The following MAML3 variants were observed in gnomAD, a reference collection of about 807,000 sequenced individuals.
The protein encoded by MAML3 is mastermind like transcriptional coactivator 3, also known as mastermind-like protein 3.
In MAML3, 27 loss-of-function variants were observed where a neutral mutation model predicts 101.9. The observed-to-expected ratio is 0.27, with a 90% confidence interval of 0.20 to 0.37. MAML3 has a LOEUF of 0.37. Among genes scored for constraint, MAML3 ranks in the 10% least tolerant of loss-of-function variants. The probability of loss-of-function intolerance (pLI) is 1.00; values close to 1 mark genes in which losing one functional copy is unlikely to be tolerated. For missense variants in MAML3, 1,316 were observed against 1,444.9 expected (o/e 0.91, Z 1.45); for synonymous variants, 501 against 555.9 (o/e 0.90, Z 1.39).
intron 2 of MAML3, among the ~76,000 whole-genome samples, chr4:139,861,772 C>G (rs950329026): frequency 1.4e-4 from 21 of 152,062 alleles, no homozygotes; most frequent in Non-Finnish European, 2.6e-4. Context: ...GCCTAGTTAC[C>G]TTTTCCAGAA....
intron 1 of MAML3, among the ~76,000 whole-genome samples, chr4:139,944,426 A>T (rs553478459): frequency 2.1e-4 from 32 of 152,052 alleles, no homozygotes; most frequent in African/African-American, 7.5e-4. Flanking sequence ...GAGAATATGC[A>T]GTGTTTGGTT....
intron 2 of MAML3, among the ~76,000 whole-genome samples, chr4:139,831,779 A>C (rs1033237662): frequency 6.6e-6 from 1 of 150,612 alleles, no homozygotes; most frequent in Non-Finnish European, 1.5e-5. Flanking sequence ...TATTCCAGGG[A>C]GTTGATCCCT....
chr4:140,093,166 GAGTTGAAATAT>G (rs1350472554), intron 1 of MAML3, among the ~76,000 whole-genome samples: 4 of 152,184 alleles, frequency 2.6e-5, no homozygotes, highest in Admixed American at 6.5e-5. Context: ...AGGCGGTCCT[GAGTTGAAATAT>G]CTAAAAATTA....
At chr4:140,000,877 A>T (rs1441476627) in intron 1 of MAML3, among the ~76,000 whole-genome samples, 1 of 152,104 alleles carries the variant, frequency 6.6e-6, no homozygotes, top group African/African-American at 2.4e-5. Flanking sequence ...AAAATAGAAA[A>T]TTAGCCAGGC....
chr4:139,989,799 T>A lies in MAML3; in HGVS notation c.469-98832A>T, dbSNP rs536011333. ...TAATTTAACAATTTTATTCATCCAG[T>A]CTCTGCCCTTGGTACCACTGCTGAC... On this transcript the variant is annotated intron_variant, in intron 1 of 4. Transcript: ENST00000509479. 1.3e-3 allele frequency among the ~76,000 whole-genome samples: 190 copies of A among 151,066 alleles called. 1 individual carries two copies. Among genetic ancestry groups the A allele is most frequent in the Non-Finnish European group, 2.2e-3 (151 of 67,878 alleles).
At chr4:139,720,799 A>G (rs574618067) in intron 4 of MAML3, among the ~76,000 whole-genome samples, 1 of 152,364 alleles carries the variant, frequency 6.6e-6, no homozygotes, top group South Asian at 2.1e-4. Context: ...GGGCTAAATT[A>G]GAAAGAAATG....
intron 2 of MAML3, among the ~76,000 whole-genome samples, chr4:139,736,122 ACACT>A (rs552005476): frequency 1.8e-4 from 27 of 152,224 alleles, no homozygotes; most frequent in East Asian, 1.7e-3. Context: ...ACATACACAC[ACACT>A]CACTCACTCA....
intron 1 of MAML3, among the ~76,000 whole-genome samples, chr4:140,092,218 C>T (rs1020311692): frequency 6.6e-6 from 1 of 151,542 alleles, no homozygotes; most frequent in African/African-American, 2.4e-5. Context: ...ATGCAGACAC[C>T]GAAACCTTGC....
chr4:139,930,796 C>T (rs1459359948), intron 1 of MAML3, among the ~76,000 whole-genome samples: 5 of 152,006 alleles, frequency 3.3e-5, no homozygotes, highest in Non-Finnish European at 5.9e-5. Flanking sequence ...TTACTAGTTT[C>T]ATGTTAGTAT....
intron 1 of MAML3, among the ~76,000 whole-genome samples, chr4:140,116,705 A>G (rs1245597344): frequency 6.6e-6 from 1 of 152,212 alleles, no homozygotes; most frequent in East Asian, 1.9e-4. Context: ...GAAGTGAATC[A>G]TGCTTCACTC....
intron 1 of MAML3, among the ~76,000 whole-genome samples, chr4:139,987,480 C>T (rs574515438): frequency 5.3e-5 from 8 of 152,250 alleles, no homozygotes; most frequent in Middle Eastern, 6.8e-3. Flanking sequence ...TATCTTATGC[C>T]GTTCTTTATG....
At chr4:140,102,729 C>G (rs1336708122) in intron 1 of MAML3, among the ~76,000 whole-genome samples, 1 of 152,024 alleles carries the variant, frequency 6.6e-6, no homozygotes, top group African/African-American at 2.4e-5. Flanking sequence ...CAGTGCAGAG[C>G]CAGGGTAGAC....
chr4:139,756,497 G>A (rs1729653585), intron 2 of MAML3, among the ~76,000 whole-genome samples: 2 of 152,160 alleles, frequency 1.3e-5, no homozygotes, highest in South Asian at 4.1e-4. Context: ...TGAGAGTCAA[G>A]GACTCCAAGC....
At chr4:139,919,551 G>T (rs897565391) in intron 1 of MAML3, among the ~76,000 whole-genome samples, 4 of 152,168 alleles carry the variant, frequency 2.6e-5, no homozygotes, top group African/African-American at 9.7e-5. Flanking sequence ...AAGTTCAGAG[G>T]TTGGGAATGA....
chr4:140,078,714 A>G (rs1446162299), intron 1 of MAML3, among the ~76,000 whole-genome samples: 4 of 152,246 alleles, frequency 2.6e-5, no homozygotes, highest in African/African-American at 9.6e-5. Context: ...AGAAAGCTAG[A>G]GAGTCAAAGA....
At chr4:139,863,423 T>G (rs2111168045) in intron 2 of MAML3, among the ~76,000 whole-genome samples, 1 of 148,112 alleles carries the variant, frequency 6.8e-6, no homozygotes, top group African/African-American at 2.5e-5. Context: ...TGATCTTGGC[T>G]CACGACAACC....
chr4:139,770,929 G>A (rs1027358453), intron 2 of MAML3, among the ~76,000 whole-genome samples: 1 of 152,134 alleles, frequency 6.6e-6, no homozygotes, highest in Non-Finnish European at 1.5e-5. Context: ...GGTTGGGAAC[G>A]CTGCCCAGAG....
At chr4:140,114,616 G>A (rs902028091) in intron 1 of MAML3, among the ~76,000 whole-genome samples, 23 of 152,150 alleles carry the variant, frequency 1.5e-4, no homozygotes, top group African/African-American at 3.9e-4. Context: ...GTGTATACAC[G>A]TATGTCTTTT....
At chr4:140,069,459 A>G (rs1241800097) in intron 1 of MAML3, among the ~76,000 whole-genome samples, 15 of 74,464 alleles carry the variant, frequency 2.0e-4, no homozygotes, top group Non-Finnish European at 3.0e-4. Context: ...GAAGGAGGAG[A>G]AGGAGAAGGA....
Sources: allele counts gnomAD v4.1 joint callset (sites outside exome capture counted in the v4.1 genomes callset), GRCh38; gene constraint gnomAD v4.1.1; transcripts MANE v1.5; gene names NCBI Gene and HGNC (gene_info 2026-07-23, HGNC 2026-07-21).